The following MTHFD2L variants were observed in gnomAD, a reference collection of about 807,000 sequenced individuals.
MTHFD2L encodes methylenetetrahydrofolate dehydrogenase (NADP+ dependent) 2 like, also known as bifunctional methylenetetrahydrofolate dehydrogenase/cyclohydrolase 2, mitochondrial.
MTHFD2L carries 29 observed loss-of-function variants against 34.9 expected under a neutral mutation model. That is an observed-to-expected ratio of 0.83 (90% CI 0.62 to 1.13). MTHFD2L has a LOEUF of 1.13. MTHFD2L is among the 50% of genes most tolerant of loss of function. MTHFD2L has a pLI of 0.00. For synonymous variants in MTHFD2L, 167 were observed against 155.7 expected (o/e 1.07, Z -0.54); for missense variants, 481 against 446.5 (o/e 1.08, Z -0.70).
chr4:74,154,890 T>A (rs570414986), upstream of MTHFD2L, among the ~76,000 whole-genome samples: 13 of 152,180 alleles, frequency 8.5e-5, no homozygotes, highest in Non-Finnish European at 1.9e-4. Context: ...AATATTTGTA[T>A]ATGTAACCAT....
intron 1 of MTHFD2L, among the ~76,000 whole-genome samples, chr4:74,150,176 C>T (rs565817862): frequency 1.3e-5 from 2 of 152,330 alleles, no homozygotes; most frequent in South Asian, 4.1e-4. Flanking sequence ...AGAAGGAATA[C>T]AACCCTAATT....
intron 6 of MTHFD2L, among the ~76,000 whole-genome samples, chr4:74,253,532 C>G (rs1023802611): frequency 2.0e-5 from 3 of 152,182 alleles, no homozygotes; most frequent in African/African-American, 7.2e-5. Context: ...GCCTCCTGCT[C>G]TATGGAAGAG....
chr4:74,170,974 G>A (rs1727829254), intron 1 of MTHFD2L, among the ~76,000 whole-genome samples: 1 of 107,800 alleles, frequency 9.3e-6, no homozygotes, highest in African/African-American at 3.7e-5. Context: ...TTCGGGGACT[G>A]TTGTGGGGTG....
intron 6 of MTHFD2L, among the ~76,000 whole-genome samples, chr4:74,233,721 A>G (rs1373337114): frequency 7.2e-5 from 11 of 152,006 alleles, no homozygotes; most frequent in Non-Finnish European, 1.2e-4. Flanking sequence ...AAGCAAAAAC[A>G]TTTTTCCAAG....
chr4:74,161,614 C>T (rs973849068), intron 1 of MTHFD2L: 3 of 152,198 alleles, frequency 2.0e-5, no homozygotes, highest in African/African-American at 7.2e-5. Context: ...AATATCTCCA[C>T]AATCAAGATT....
chr4:74,238,147 G>A (rs897141698), intron 6 of MTHFD2L, among the ~76,000 whole-genome samples: 1 of 152,150 alleles, frequency 6.6e-6, no homozygotes, highest in African/African-American at 2.4e-5. Flanking sequence ...AATGTTACAT[G>A]TCAGTGCTTA....
chr4:74,277,916 G>C (rs1048498648), intron 6 of MTHFD2L, among the ~76,000 whole-genome samples: 2 of 151,924 alleles, frequency 1.3e-5, no homozygotes, highest in African/African-American at 2.4e-5. Context: ...ACTGGTGATG[G>C]TCTGTGACTA....
chr4:74,229,074 T>C (rs1366860552), intron 6 of MTHFD2L, among the ~76,000 whole-genome samples: 1 of 152,198 alleles, frequency 6.6e-6, no homozygotes, highest in Non-Finnish European at 1.5e-5. Flanking sequence ...AGAAGACAGA[T>C]TTGTATGTAG....
At chr4:74,186,880 G>A (rs1183484278) in intron 3 of MTHFD2L, among the ~76,000 whole-genome samples, 2 of 152,072 alleles carry the variant, frequency 1.3e-5, no homozygotes, top group East Asian at 3.8e-4. Flanking sequence ...GTAACATGGA[G>A]GATTAACATT....
rs1264651803 is a variant in MTHFD2L, at chr4:74,158,165, G to C, written c.27G>C (p.Ser9=). 5.9e-6 allele frequency: 9 copies of C among 1,529,028 alleles called. No homozygotes were observed. In the Admixed American group the frequency reaches 6.1e-5, roughly 10 times the overall value. 94.7% of individuals were successfully genotyped at this position (1,529,028 alleles called of 1,614,324 possible). A position where few individuals can be genotyped will look rare whatever the true frequency, so the allele number is the denominator to read the frequency against. Residue 9 remains serine (S), a synonymous_variant, in exon 1 of 8, where the codon TCG becomes TCC. Coordinates refer to ENST00000325278, the MANE Select transcript of MTHFD2L (RefSeq NM_001144978.3). Reference sequence around the variant, plus strand: ...TGACGGTGCCGGTCCGCGGCTTCTCGCTGCTCCGCGGCCGCCTTGGCCGAG... The same window carrying C: ...TGACGGTGCCGGTCCGCGGCTTCTCCCTGCTCCGCGGCCGCCTTGGCCGAG... The part of the protein sequence containing the change: MTVPVRGF[S]LLRGRLGRAP...
intron 1 of MTHFD2L, 125 bp from the exon 2 acceptor site, chr4:74,174,381 G>GAA (rs202043677): frequency 7.8e-6 from 5 of 639,384 alleles, no homozygotes; most frequent in East Asian, 3.5e-5. Flanking sequence ...CACTATAATT[G>GAA]AAAAAAAAAT....
At chr4:74,162,511 T>C (rs1246732222) in intron 1 of MTHFD2L, among the ~76,000 whole-genome samples, 1 of 151,754 alleles carries the variant, frequency 6.6e-6, no homozygotes, top group Non-Finnish European at 1.5e-5. Context: ...CCCACTTTTT[T>C]TTTTTTTTTT....
intron 3 of MTHFD2L, chr4:74,181,924 T>G (rs998175137): frequency 1.3e-5 from 2 of 152,138 alleles, no homozygotes; most frequent in Non-Finnish European, 1.5e-5. Flanking sequence ...AACTCATTTC[T>G]TCATTTGGGG....
chr4:74,282,619 A>G (rs1352210589), intron 7 of MTHFD2L, among the ~76,000 whole-genome samples: 2 of 152,136 alleles, frequency 1.3e-5, no homozygotes, highest in Non-Finnish European at 2.9e-5. Context: ...ACCAGATCCA[A>G]GTAAGCCATT....
chr4:74,164,199 T>G (rs746845507), intron 1 of MTHFD2L, among the ~76,000 whole-genome samples: 7 of 152,080 alleles, frequency 4.6e-5, no homozygotes, highest in Non-Finnish European at 8.8e-5. Flanking sequence ...ATTATAGAGA[T>G]AAAATGGTTC....
intron 6 of MTHFD2L, 95 bp downstream of exon 6, chr4:74,225,489 A>G: frequency 3.2e-6 from 3 of 942,018 alleles, no homozygotes; most frequent in Non-Finnish European, 5.1e-6. Context: ...TGAGAGAGTT[A>G]GCTTTATGTA....
At chr4:74,162,154 C>T (rs533610746) in intron 1 of MTHFD2L, 3 of 152,310 alleles carry the variant, frequency 2.0e-5, no homozygotes, top group South Asian at 4.1e-4. Flanking sequence ...CCAGCTGCTC[C>T]ACTTAATGTT....
chr4:74,286,445 A>G (rs1748185586), intron 7 of MTHFD2L, among the ~76,000 whole-genome samples: 1 of 152,200 alleles, frequency 6.6e-6, no homozygotes, highest in East Asian at 1.9e-4. Flanking sequence ...TTTCTGACAA[A>G]GAAGGCTTTA....
intron 3 of MTHFD2L, among the ~76,000 whole-genome samples, chr4:74,197,542 G>A (rs750132649): frequency 2.1e-4 from 32 of 152,062 alleles, no homozygotes; most frequent in Non-Finnish European, 4.3e-4. Flanking sequence ...AGTTGGGAGG[G>A]AGGCCTCTGT....
Sources: allele counts gnomAD v4.1 joint callset (sites outside exome capture counted in the v4.1 genomes callset), GRCh38; gene constraint gnomAD v4.1.1; transcripts MANE v1.5; gene names NCBI Gene and HGNC (gene_info 2026-07-23, HGNC 2026-07-21).